MYO5A: variants seen among roughly 807,000 people sequenced by gnomAD.
MYO5A encodes myosin VA.
A neutral mutation model predicts 249.7 loss-of-function variants in MYO5A; 98 were observed. That is an observed-to-expected ratio of 0.39 (90% CI 0.33 to 0.46). The LOEUF (loss-of-function observed/expected upper bound fraction) is 0.46. Among genes scored for constraint, MYO5A ranks in the 20% least tolerant of loss-of-function variants. The pLI is 0.98. For missense variants in MYO5A, 1,696 were observed against 2,308.8 expected (o/e 0.73, Z 5.44); for synonymous variants, 778 against 810.6 (o/e 0.96, Z 0.68).
At position 52,407,389 on chromosome 15, in the gene MYO5A, A is replaced by G; in HGVS notation, c.849T>C (p.Asp283=). ...CTCCTTGTTTTGTGTAATTAAAGTTATCTGCATTTCCTGTAATGAAGAAAA... is the reference window on the plus strand; with the variant it reads ...CTCCTTGTTTTGTGTAATTAAAGTTGTCTGCATTTCCTGTAATGAAGAAAA... ...EFKMLRLGNA[D]NFNYTKQGGS... Residue 283 remains aspartate (D), a synonymous_variant, in exon 8 of 42, where the codon GAT becomes GAC. Coordinates refer to ENST00000399233, the MANE Select transcript of MYO5A (RefSeq NM_001382347.1). 6.2e-7 allele frequency: 1 copy of G among 1,612,768 alleles called. No homozygotes were observed. The highest frequency in any genetic ancestry group is 8.5e-7 in the Non-Finnish European group (1 of 1,178,768).
intron 20 of MYO5A, 58 bp from the exon 21 acceptor site, chr15:52,372,421 C>A: frequency 6.3e-7 from 1 of 1,591,284 alleles, no homozygotes; most frequent in South Asian, 1.1e-5. Context: ...TCATGATTAT[C>A]AATCTATGTC....
At chr15:52,478,230 C>T (rs1451988840) in intron 1 of MYO5A, among the ~76,000 whole-genome samples, 1 of 152,208 alleles carries the variant, frequency 6.6e-6, no homozygotes, top group African/African-American at 2.4e-5. Flanking sequence ...GATATAATCT[C>T]GTGGTGTGCA....
chr15:52,505,546 G>A (rs894424792), intron 1 of MYO5A: 3 of 1,565,928 alleles, frequency 1.9e-6, no homozygotes, highest in Non-Finnish European at 2.6e-6. Context: ...GAGGCTAAGG[G>A]AAGAACGTCT....
intron 34 of MYO5A, among the ~76,000 whole-genome samples, chr15:52,332,684 C>T (rs2038943931): frequency 6.6e-6 from 1 of 152,132 alleles, no homozygotes; most frequent in African/African-American, 2.4e-5. Context: ...AAAATGTTGG[C>T]CGGGCACAGT....
rs1596329060 is a variant in MYO5A at position 52,351,613 on chromosome 15, T to G, written c.3622-132A>C. On this transcript the variant is annotated intron_variant, in intron 27 of 41. Transcript: ENST00000399233. ...AGAGTTACCCTAGTGAATGGCTTCC[T>G]AGGTTCTGCCAGGAGCCCTGCTTTG... The G allele has an allele frequency of 3.5e-6, 3 of 861,296 alleles. No individual in the cohort carries two copies. The East Asian group carries it at 7.5e-5, about 22-fold the overall frequency. The allele number at this position is 861,296 out of a possible 1,614,324, so 53.4% of individuals were successfully genotyped here.
At chr15:52,440,419 C>G in intron 1 of MYO5A, among the ~76,000 whole-genome samples, 1 of 152,166 alleles carries the variant, frequency 6.6e-6, no homozygotes, top group East Asian at 1.9e-4. Context: ...AGGCATGCAC[C>G]ACAACACCTG....
chr15:52,322,682 T>TCAAA (rs767312873), intron 37 of MYO5A, among the ~76,000 whole-genome samples: 7 of 152,066 alleles, frequency 4.6e-5, no homozygotes, highest in Non-Finnish European at 7.3e-5. Flanking sequence ...TTGAAGTCTA[T>TCAAA]CAAACAACTA....
At chr15:52,354,092 A>C in intron 25 of MYO5A, 78 bp from the exon 26 acceptor site, 16 of 1,547,884 alleles carry the variant, frequency 1.0e-5, no homozygotes, top group Non-Finnish European at 1.3e-5. Flanking sequence ...CAAACAGCTC[A>C]ATGGAAAAAT....
intron 1 of MYO5A, among the ~76,000 whole-genome samples, chr15:52,468,654 A>G (rs1322282663): frequency 1.3e-5 from 2 of 152,248 alleles, no homozygotes; most frequent in Non-Finnish European, 1.5e-5. Flanking sequence ...TTGGTGACAG[A>G]GACAGACCCT....
chr15:52,343,359 A>G (rs191617305), intron 30 of MYO5A, among the ~76,000 whole-genome samples, 162 bp from the exon 31 acceptor site: 1 of 152,360 alleles, frequency 6.6e-6, no homozygotes, highest in East Asian at 1.9e-4. Context: ...TTTTTGGTTA[A>G]TTTTTAAAAA....
chr15:52,453,176 G>C (rs988319575), intron 1 of MYO5A, among the ~76,000 whole-genome samples: 5 of 152,018 alleles, frequency 3.3e-5, no homozygotes, highest in Admixed American at 3.3e-4. Context: ...CCTAAAAGTA[G>C]CAAGGGAAAA....
At chr15:52,520,291 C>T (rs143922495) in intron 1 of MYO5A, among the ~76,000 whole-genome samples, 1 of 152,304 alleles carries the variant, frequency 6.6e-6, no homozygotes, top group Non-Finnish European at 1.5e-5. Context: ...ATCACAGTGC[C>T]CTGTCCTCCC....
At chr15:52,436,636 G>C (rs1464289169) in intron 1 of MYO5A, among the ~76,000 whole-genome samples, 1 of 152,200 alleles carries the variant, frequency 6.6e-6, no homozygotes, top group East Asian at 1.9e-4. Context: ...TCCTTCATTA[G>C]AACATAAGTT....
intron 1 of MYO5A, among the ~76,000 whole-genome samples, chr15:52,452,719 A>G (rs2076044797): frequency 6.6e-6 from 1 of 151,720 alleles, no homozygotes; most frequent in African/African-American, 2.4e-5. Context: ...ATGGTGGTGC[A>G]CTCCTGTAAT....
chr15:52,344,715 T>A (rs1223348861), intron 30 of MYO5A, among the ~76,000 whole-genome samples: 1 of 152,222 alleles, frequency 6.6e-6, no homozygotes, highest in Non-Finnish European at 1.5e-5. Context: ...ATTCTCCTAC[T>A]TAACACCTTT....
intron 34 of MYO5A, among the ~76,000 whole-genome samples, chr15:52,335,465 G>A (rs970367564): frequency 5.7e-5 from 8 of 140,592 alleles, no homozygotes; most frequent in South Asian, 2.3e-4. Context: ...GCAGTGAGCC[G>A]AGATTGCACC....
At chr15:52,496,934 C>T (rs1389875195) in intron 1 of MYO5A, among the ~76,000 whole-genome samples, 1 of 152,142 alleles carries the variant, frequency 6.6e-6, no homozygotes, top group Non-Finnish European at 1.5e-5. Context: ...ATATAGGCTG[C>T]CCTGCAAGAG....
intron 1 of MYO5A, among the ~76,000 whole-genome samples, chr15:52,495,319 T>C (rs1487397087): frequency 1.3e-5 from 2 of 152,134 alleles, no homozygotes; most frequent in Non-Finnish European, 2.9e-5. Flanking sequence ...TACTGCATGA[T>C]TTCACTTATA....
chr15:52,519,624 ATAAT>A (rs2077572469), intron 1 of MYO5A, among the ~76,000 whole-genome samples: 2 of 150,502 alleles, frequency 1.3e-5, no homozygotes, highest in Non-Finnish European at 1.5e-5. Flanking sequence ...AAAAATAATA[ATAAT>A]AATAATAATA....
Sources: allele counts gnomAD v4.1 joint callset (sites outside exome capture counted in the v4.1 genomes callset), GRCh38; gene constraint gnomAD v4.1.1; transcripts MANE v1.5; gene names NCBI Gene and HGNC (gene_info 2026-07-23, HGNC 2026-07-21).